Variants in GRB10 observed in about 807,000 individuals in gnomAD.
GRB10 encodes the protein growth factor receptor-bound protein 10.
In GRB10, 20 loss-of-function variants were observed where a neutral mutation model predicts 80.9. The ratio of observed to expected loss-of-function variants is 0.25; its 90% CI spans 0.17 to 0.36. GRB10 has a LOEUF of 0.36. Ranked by LOEUF, GRB10 falls within the 10% of genes least tolerant of loss-of-function variation. The pLI, the probability that GRB10 is intolerant of heterozygous loss-of-function variation, is 1.00. For missense variants in GRB10, 548 were observed against 747.7 expected (o/e 0.73, Z 3.12); for synonymous variants, 291 against 291.5 (o/e 1.00, Z 0.02).
In GRB10 at chr7:50,599,452, T is replaced by TACACCTC. The variant is rs2047223524; in HGVS notation, c.1545-3929_1545-3923dup. 5.3e-5 allele frequency among the ~76,000 whole-genome samples: 8 copies of TACACCTC among 152,206 alleles called. No individual in the cohort carries two copies. In the South Asian group the frequency reaches 1.7e-3, roughly 32 times the overall value. On this transcript the variant is annotated intron_variant, in intron 17 of 18. Coordinates refer to ENST00000401949, the MANE Select transcript of GRB10 (RefSeq NM_001350814.2). ...TGGATTATTTACCTTGTTATACAAA[T>TACACCTC]ACACCTCCTCCCTACACCCAAGAAT...
intron 4 of GRB10, among the ~76,000 whole-genome samples, chr7:50,714,505 T>C (rs537322586): frequency 1.3e-5 from 2 of 151,818 alleles, no homozygotes; most frequent in East Asian, 1.9e-4. Context: ...CTACTAAAAA[T>C]ACAAAAAATT....
chr7:50,615,965 C>A (rs2050550550), intron 11 of GRB10, among the ~76,000 whole-genome samples: 1 of 152,160 alleles, frequency 6.6e-6, no homozygotes, highest in South Asian at 2.1e-4. Context: ...TCCCAACCCG[C>A]AGTGGGGGTG....
chr7:50,628,652 G>A (rs2053449694), intron 7 of GRB10, among the ~76,000 whole-genome samples: 2 of 152,118 alleles, frequency 1.3e-5, no homozygotes, highest in Admixed American at 1.3e-4. Flanking sequence ...AGCAGACGGG[G>A]GACCAGCCAG....
At chr7:50,656,790 G>A (rs1235794232) in intron 7 of GRB10, among the ~76,000 whole-genome samples, 1 of 152,236 alleles carries the variant, frequency 6.6e-6, no homozygotes. Flanking sequence ...CGGAAGTCCC[G>A]AAACTCACTC....
chr7:50,600,032 A>C (rs1229032221), intron 17 of GRB10, among the ~76,000 whole-genome samples: 1 of 152,176 alleles, frequency 6.6e-6, no homozygotes, highest in Non-Finnish European at 1.5e-5. Flanking sequence ...CCACAGCACC[A>C]AATAAAGCCT....
chr7:50,750,880 G>T (rs11763110), intron 3 of GRB10, among the ~76,000 whole-genome samples: 12,027 of 152,190 alleles, frequency 0.079, 687 homozygotes, highest in Non-Finnish European at 0.12. Context: ...AGGATGGATG[G>T]GCCCTTCCAA....
rs571925659 is a variant in GRB10, at chr7:50,680,274, C to T, written c.140-5616G>A. Among the ~76,000 whole-genome samples the T allele has an allele frequency of 8.1e-4, 124 of 152,330 alleles. 2 individuals carry two copies. The South Asian group carries it at 0.025, about 31-fold the overall frequency. On this transcript the variant is annotated intron_variant, in intron 5 of 18. Transcript: ENST00000401949. ...ATATCCTTGTACCTAGAAAGAGCTA[C>T]ACAGTCATAACTCTTGGCTTTCAGT...
intron 2 of GRB10, among the ~76,000 whole-genome samples, chr7:50,778,532 C>CA (rs2077942044): frequency 6.6e-6 from 1 of 152,012 alleles, no homozygotes. Flanking sequence ...AGAGGTGATC[C>CA]ACACAGTGGA....
chr7:50,721,564 T>G (rs1372254636), intron 4 of GRB10, among the ~76,000 whole-genome samples: 3 of 152,246 alleles, frequency 2.0e-5, no homozygotes, highest in Admixed American at 6.5e-5. Flanking sequence ...TGCTACCACC[T>G]TCTTGCTCTG....
chr7:50,762,023 T>C (rs2075822151), intron 2 of GRB10: 1 of 152,180 alleles, frequency 6.6e-6, no homozygotes, highest in Non-Finnish European at 1.5e-5. Flanking sequence ...GCCTGCGGAA[T>C]CAAGAGTGAA....
intron 2 of GRB10, among the ~76,000 whole-genome samples, chr7:50,756,418 C>G (rs2075096264): frequency 6.6e-6 from 1 of 152,238 alleles, no homozygotes; most frequent in African/African-American, 2.4e-5. Flanking sequence ...GGGCCCAGGT[C>G]AGGGTCCTCC....
At chr7:50,616,159 G>A (rs760161025) in intron 11 of GRB10, 51 bp downstream of exon 11, 5 of 1,610,926 alleles carry the variant, frequency 3.1e-6, no homozygotes, top group Non-Finnish European at 3.4e-6. Context: ...GGACCTGGGG[G>A]GAGTGACTGT....
chr7:50,756,032 C>G lies in GRB10; in HGVS notation c.-192G>C, dbSNP rs534524455. The G allele has an allele frequency of 2.5e-6, 1 of 398,666 alleles. No homozygotes were observed. Among genetic ancestry groups the G allele is most frequent in the African/African-American group, 2.1e-5 (1 of 48,654 alleles). 24.7% of individuals were successfully genotyped at this position (398,666 alleles called of 1,614,324 possible). On this transcript the variant is annotated 5_prime_UTR_variant, in exon 3 of 19. Transcript: ENST00000401949. ...CTGGGCCTGCAGCTGCTGCTTCCTG[C>G]TCAGCATTGTGGTCAGCGCCAAAGC...
chr7:50,771,153 GA>G (rs1290022406), intron 2 of GRB10, among the ~76,000 whole-genome samples: 2 of 152,156 alleles, frequency 1.3e-5, no homozygotes, highest in Admixed American at 1.3e-4. Flanking sequence ...TCTTCATTCA[GA>G]AAGATTTTCT....
upstream of GRB10, among the ~76,000 whole-genome samples, chr7:50,787,555 A>G (rs2078745673): frequency 1.3e-5 from 2 of 152,224 alleles, no homozygotes; most frequent in Non-Finnish European, 2.9e-5. Flanking sequence ...GCAGGGGGAC[A>G]GTGCCCTGGG....
intron 7 of GRB10, among the ~76,000 whole-genome samples, chr7:50,632,307 T>C (rs1274052568): frequency 1.3e-5 from 2 of 152,240 alleles, no homozygotes; most frequent in Non-Finnish European, 2.9e-5. Flanking sequence ...ATGTGCTTAA[T>C]AGCCTGCATT....
intron 9 of GRB10, among the ~76,000 whole-genome samples, chr7:50,618,903 CAGCTCCTGTCTT>C (rs2051137150): frequency 6.6e-6 from 1 of 152,336 alleles, no homozygotes; most frequent in African/African-American, 2.4e-5. Context: ...CAGCCTCTCC[CAGCTCCTGTCTT>C]AGAGACTAAC....
chr7:50,738,639 C>T (rs1587704770), intron 3 of GRB10, among the ~76,000 whole-genome samples: 3 of 152,206 alleles, frequency 2.0e-5, no homozygotes, highest in African/African-American at 7.2e-5. Flanking sequence ...TACAGTTATA[C>T]AACTGGATCA....
At chr7:50,763,294 A>G (rs2075969450) in intron 2 of GRB10, among the ~76,000 whole-genome samples, 1 of 152,206 alleles carries the variant, frequency 6.6e-6, no homozygotes, top group Non-Finnish European at 1.5e-5. Flanking sequence ...GCTAAACTTC[A>G]CTAGGAGCCA....
Sources: allele counts gnomAD v4.1 joint callset (sites outside exome capture counted in the v4.1 genomes callset), GRCh38; gene constraint gnomAD v4.1.1; transcripts MANE v1.5; gene names NCBI Gene and HGNC (gene_info 2026-07-23, HGNC 2026-07-21).